Variants in TMEM167A observed in about 807,000 individuals in gnomAD.
TMEM167A encodes transmembrane protein 167A.
Under a neutral mutation model 11.6 loss-of-function variants are expected in TMEM167A, and 8 were observed. The ratio of observed to expected loss-of-function variants is 0.69; its 90% CI spans 0.40 to 1.24. The LOEUF (loss-of-function observed/expected upper bound fraction) is 1.24, where lower values mean the gene tolerates loss of function less well. TMEM167A is among the 50% of genes most tolerant of loss of function. The pLI, the probability that TMEM167A is intolerant of heterozygous loss-of-function variation, is 0.01. For missense variants in TMEM167A, 62 were observed against 87.0 expected, an observed-to-expected ratio of 0.71 and a Z score of 1.14; for synonymous variants, 22 against 28.0, an observed-to-expected ratio of 0.79 and a Z score of 0.67.
chr5:83,064,207 T>C (rs1744446506), intron 2 of TMEM167A: 1 of 516,618 alleles, frequency 1.9e-6, no homozygotes, highest in African/African-American at 1.9e-5. Flanking sequence ...TGGTCTTTTA[T>C]GTTGGAGAAA....
chr5:83,062,058 T>C lies in TMEM167A; in HGVS notation c.114-147A>G, dbSNP rs1413176177. Reference sequence around the variant, plus strand: ...AAATTTGAAATCTCCTTATTTGATGTTGAGCCACCATTCATGTATGAAAGT... The same window carrying C: ...AAATTTGAAATCTCCTTATTTGATGCTGAGCCACCATTCATGTATGAAAGT... On this transcript the variant is annotated intron_variant, in intron 2 of 3. Transcript: ENST00000502346. 6.4e-6 allele frequency: 4 copies of C among 622,042 alleles called. No individual in the cohort carries two copies. In the South Asian group the frequency reaches 8.5e-5, roughly 13 times the overall value. The allele number at this position is 622,042 out of a possible 1,614,324, so 38.5% of individuals were successfully genotyped here.
rs1174868912 is a variant in TMEM167A at position 83,055,155 on chromosome 5, C to T, written c.*1929G>A. ...TGTTTAGCATCTATACAAAGCAAAA[C>T]GTTTTGTATGTTTCCACAAATTTTC... On this transcript the variant is annotated 3_prime_UTR_variant, in exon 4 of 4. Coordinates refer to ENST00000502346, the MANE Select transcript of TMEM167A (RefSeq NM_174909.5). 1.3e-5 allele frequency: 2 copies of T among 151,972 alleles called. No homozygotes were observed. Among genetic ancestry groups the T allele is most frequent in the Admixed American group, 6.6e-5 (1 of 15,220 alleles). 9.4% of individuals were successfully genotyped at this position (151,972 alleles called of 1,614,324 possible).
chr5:83,060,243 G>T (rs1273174352), intron 3 of TMEM167A, among the ~76,000 whole-genome samples: 3 of 151,836 alleles, frequency 2.0e-5, no homozygotes, highest in Admixed American at 2.0e-4. Context: ...AAAGGGATTA[G>T]TTGAGAGAAT....
At chr5:83,061,036 C>A (rs1218778662) in intron 3 of TMEM167A, among the ~76,000 whole-genome samples, 1 of 152,124 alleles carries the variant, frequency 6.6e-6, no homozygotes, top group Non-Finnish European at 1.5e-5. Flanking sequence ...ACCACATCTA[C>A]CTTAACTTTA....
intron 1 of TMEM167A, among the ~76,000 whole-genome samples, chr5:83,067,889 A>G (rs1390185300): frequency 6.6e-6 from 1 of 152,186 alleles, no homozygotes; most frequent in Non-Finnish European, 1.5e-5. Context: ...AAAGACAAAA[A>G]TGATTTGTAA....
chr5:83,071,584 C>CAT (rs1184017795), intron 1 of TMEM167A, among the ~76,000 whole-genome samples: 2 of 152,262 alleles, frequency 1.3e-5, no homozygotes, highest in East Asian at 1.9e-4. Flanking sequence ...CACAAACACA[C>CAT]ATATATATAA....
At chr5:83,060,720 A>G (rs1428429110) in intron 3 of TMEM167A, among the ~76,000 whole-genome samples, 2 of 151,916 alleles carry the variant, frequency 1.3e-5, no homozygotes, top group East Asian at 3.9e-4. Context: ...AATCCCAGCT[A>G]CTCGGGAGAC....
chr5:83,074,160 T>A (rs1051268704), intron 1 of TMEM167A, among the ~76,000 whole-genome samples: 6 of 152,216 alleles, frequency 3.9e-5, no homozygotes, highest in African/African-American at 1.4e-4. Flanking sequence ...TCTAGCCTCA[T>A]CTATCACCAG....
chr5:83,060,278 CAAT>C (rs1447402809), intron 3 of TMEM167A, among the ~76,000 whole-genome samples: 4 of 151,700 alleles, frequency 2.6e-5, no homozygotes, highest in Non-Finnish European at 5.9e-5. Context: ...GACTGGCTAA[CAAT>C]AAATGTCAAA....
intron 1 of TMEM167A, 85 bp from the exon 2 acceptor site, chr5:83,065,202 A>G (rs1002661590): frequency 2.7e-5 from 23 of 838,004 alleles, no homozygotes; most frequent in Non-Finnish European, 4.0e-5. Flanking sequence ...ATTTAGAGTC[A>G]TGTTTTTATT....
intron 1 of TMEM167A, among the ~76,000 whole-genome samples, chr5:83,074,557 A>G (rs1223102093): frequency 6.6e-6 from 1 of 152,224 alleles, no homozygotes; most frequent in East Asian, 1.9e-4. Flanking sequence ...CAAGAAAAAG[A>G]CATGAAAATA....
chr5:83,058,394 C>T lies in TMEM167A; in HGVS notation c.149-1240G>A, dbSNP rs540541954. 2.8e-4 allele frequency among the ~76,000 whole-genome samples: 42 copies of T among 151,926 alleles called. 2 individuals carry two copies. The highest frequency in any genetic ancestry group is 1.8e-3 in the Admixed American group (28 of 15,236). On this transcript the variant is annotated intron_variant, in intron 3 of 3. Coordinates refer to ENST00000502346, the MANE Select transcript of TMEM167A (RefSeq NM_174909.5). Reference sequence around the variant, plus strand: ...TGTAGACATTTAATGGACTGCCTTCCGGCTAAAAAAAATCTAGAAAGTGAA... The same window carrying T: ...TGTAGACATTTAATGGACTGCCTTCTGGCTAAAAAAAATCTAGAAAGTGAA...
chr5:83,062,693 C>CT (rs1193811975), intron 2 of TMEM167A, among the ~76,000 whole-genome samples: 1 of 151,802 alleles, frequency 6.6e-6, no homozygotes, highest in Non-Finnish European at 1.5e-5. Context: ...AAAAATAACA[C>CT]TAAGGACACT....
chr5:83,075,032 A>C (rs1172252912), intron 1 of TMEM167A, among the ~76,000 whole-genome samples: 2 of 152,132 alleles, frequency 1.3e-5, no homozygotes, highest in Non-Finnish European at 2.9e-5. Context: ...GGCCTCCCAA[A>C]GTGCTGAGAT....
chr5:83,074,719 C>T (rs1416919283), intron 1 of TMEM167A, among the ~76,000 whole-genome samples: 1 of 152,136 alleles, frequency 6.6e-6, no homozygotes, highest in African/African-American at 2.4e-5. Flanking sequence ...TAATAATTTC[C>T]CCCACTGGAC....
chr5:83,057,903 T>C (rs1475647180), intron 3 of TMEM167A, among the ~76,000 whole-genome samples: 1 of 152,070 alleles, frequency 6.6e-6, no homozygotes, highest in Admixed American at 6.6e-5. Context: ...GTGAGTTAAC[T>C]CAAATTGATC....
At chr5:83,060,876 T>TA (rs1744397734) in intron 3 of TMEM167A, among the ~76,000 whole-genome samples, 1 of 152,142 alleles carries the variant, frequency 6.6e-6, no homozygotes, top group South Asian at 2.1e-4. Flanking sequence ...AAATACATGT[T>TA]AATTGATTCA....
In TMEM167A at chr5:83,053,256, CGT is replaced by C. The variant is rs1561299400; in HGVS notation, c.*3826_*3827del. ...AACTTCTCAAAGGCTTTGCAAAAAG[CGT>C]AAGTCCTTGCTTTTTGAGAATTTTT... is the stretch of plus-strand genomic sequence containing the variant. On this transcript the variant is annotated 3_prime_UTR_variant, in exon 4 of 4. Transcript: ENST00000502346. The C allele has an allele frequency of 6.6e-6, 1 of 151,912 alleles. No homozygotes were observed. Among genetic ancestry groups the C allele is most frequent in the African/African-American group, 2.4e-5 (1 of 41,410 alleles). 9.4% of individuals were successfully genotyped at this position (151,912 alleles called of 1,614,324 possible). A position where few individuals can be genotyped will look rare whatever the true frequency, so the allele number is the denominator to read the frequency against.
At chr5:83,058,311 A>G (rs539504115) in intron 3 of TMEM167A, among the ~76,000 whole-genome samples, 8 of 152,242 alleles carry the variant, frequency 5.3e-5, no homozygotes, top group African/African-American at 1.9e-4. Context: ...CATAGAAAAT[A>G]TTATACACAT....
Sources: allele counts gnomAD v4.1 joint callset (sites outside exome capture counted in the v4.1 genomes callset), GRCh38; gene constraint gnomAD v4.1.1; transcripts MANE v1.5; gene names NCBI Gene and HGNC (gene_info 2026-07-23, HGNC 2026-07-21).